ATP1A1: variants seen among roughly 807,000 people sequenced by gnomAD.
ATP1A1 encodes the protein ATPase Na+/K+ transporting subunit alpha 1.
Under a neutral mutation model 114.8 loss-of-function variants are expected in ATP1A1, and 14 were observed. That is an observed-to-expected ratio of 0.12 (90% CI 0.08 to 0.19). ATP1A1 has a LOEUF of 0.19. Among genes scored for constraint, ATP1A1 ranks in the 10% least tolerant of loss-of-function variants. ATP1A1 has a pLI of 1.00. For missense variants in ATP1A1, 524 were observed against 1,290.7 expected, an observed-to-expected ratio of 0.41 and a Z score of 9.10; for synonymous variants, 471 against 466.3, an observed-to-expected ratio of 1.01 and a Z score of -0.13.
intron 9 of ATP1A1, among the ~76,000 whole-genome samples, 161 bp downstream of exon 9, chr1:116,390,572 G>A (rs1373400865): frequency 1.4e-5 from 2 of 145,540 alleles, no homozygotes; most frequent in Non-Finnish European, 3.0e-5. Context: ...AAGAGTCAAG[G>A]GTATGGGATA....
At chr1:116,396,106 C>G (rs1652894915) in intron 13 of ATP1A1, among the ~76,000 whole-genome samples, 1 of 152,040 alleles carries the variant, frequency 6.6e-6, no homozygotes, top group Admixed American at 6.6e-5. Flanking sequence ...ATTTCCTCAC[C>G]ATTCCGACTG....
chr1:116,402,010 G>T, intron 21 of ATP1A1: 1 of 218,130 alleles, frequency 4.6e-6, no homozygotes, highest in Non-Finnish European at 9.0e-6. Flanking sequence ...TAGGCGCCCA[G>T]GCTCAAATCT....
rs1652849513 is a variant in ATP1A1, at chr1:116,395,664, CTG to C, written c.1836+381_1836+382del. Reference sequence around the variant, plus strand: ...TGAGTGTTTGGTGTCCTCTGTGTATCTGTCTTTTTTTAAGTAGCTGAATATTA... The same window carrying C: ...TGAGTGTTTGGTGTCCTCTGTGTATCTCTTTTTTTAAGTAGCTGAATATTA... On this transcript the variant is annotated intron_variant, in intron 13 of 22. Coordinates refer to ENST00000295598, the MANE Select transcript of ATP1A1 (RefSeq NM_000701.8). The surrounding 1 kb of genome is among the most constrained non-coding windows in gnomAD (Gnocchi z 6.4). Among the ~76,000 whole-genome samples, 1 of 152,278 alleles carries C rather than the reference CTG, an allele frequency of 6.6e-6. No individual in the cohort carries two copies. The highest frequency in any genetic ancestry group is 1.5e-5 in the Non-Finnish European group (1 of 68,030).
rs1180402979 is a variant in ATP1A1, at chr1:116,404,053, A to G, written c.3043+78A>G. On this transcript the variant is annotated intron_variant, in intron 22 of 22. Transcript: ENST00000295598. This position sits in a 1 kb window ranked among gnomAD's most constrained non-coding sequence, Gnocchi z 4.8. ...TTCTATTGGTTTTTTGTTTCCCTCA[A>G]GGTGTCTAGGCTCCCTCAGTGGTCA... The G allele has an allele frequency of 1.4e-6, 2 of 1,405,652 alleles. No homozygotes were observed. The highest frequency in any genetic ancestry group is 9.9e-7 in the Non-Finnish European group (1 of 1,006,164). The allele number at this position is 1,405,652 out of a possible 1,614,324, so 87.1% of individuals were successfully genotyped here.
At chr1:116,400,772 C>T in intron 18 of ATP1A1, 89 bp from the exon 19 acceptor site, 3 of 1,490,570 alleles carry the variant, frequency 2.0e-6, no homozygotes, top group Non-Finnish European at 2.7e-6. Flanking sequence ...CATATGTGCT[C>T]TCCCAGGCCT....
chr1:116,396,005 A>AGCCT (rs1217626797), intron 13 of ATP1A1, among the ~76,000 whole-genome samples: 2 of 152,140 alleles, frequency 1.3e-5, no homozygotes, highest in Admixed American at 1.3e-4. Flanking sequence ...TGCCCACCTC[A>AGCCT]GCCTCCCAAA....
In ATP1A1 at chr1:116,388,736, T is replaced by C. The variant is rs1652260098; in HGVS notation, c.600T>C (p.Pro200=). 1.2e-6 allele frequency: 2 copies of C among 1,614,110 alleles called. No homozygotes were observed. The highest frequency in any genetic ancestry group is 1.7e-5 in the Admixed American group (1 of 60,008). The change falls in exon 6 of 23, where the codon CCT becomes CCC. Residue 200 remains proline (P), a synonymous_variant. Coordinates refer to ENST00000295598, the MANE Select transcript of ATP1A1 (RefSeq NM_000701.8). This position sits in a 1 kb window ranked among gnomAD's most constrained non-coding sequence, Gnocchi z 5.6. Reference sequence around the variant, plus strand: ...AAGTAAAAGGAGGAGACCGAATTCCTGCTGACCTCAGAATCATATCTGCAA... The same window carrying C: ...AAGTAAAAGGAGGAGACCGAATTCCCGCTGACCTCAGAATCATATCTGCAA... ...LVEVKGGDRI[P]ADLRIISANG... is the part of the protein sequence containing the mutation.
In ATP1A1 at chr1:116,404,697, A is replaced by G. The variant is rs762154901; in HGVS notation, c.*253A>G. Reference sequence around the variant, plus strand: ...TTATGTGCCTTTTTGTTTTTGTAAAAAAGGAACACCCGGAAAGACTGAAAG... The same window carrying G: ...TTATGTGCCTTTTTGTTTTTGTAAAGAAGGAACACCCGGAAAGACTGAAAG... On this transcript the variant is annotated 3_prime_UTR_variant, in exon 23 of 23. Coordinates refer to ENST00000295598, the MANE Select transcript of ATP1A1 (RefSeq NM_000701.8). This position sits in a 1 kb window ranked among gnomAD's most constrained non-coding sequence, Gnocchi z 4.8. The G allele has an allele frequency of 5.1e-5, 66 of 1,281,566 alleles. No homozygotes were observed. The highest frequency in any genetic ancestry group is 6.2e-5 in the Non-Finnish European group (63 of 1,018,968). The allele number at this position is 1,281,566 out of a possible 1,614,324, so 79.4% of individuals were successfully genotyped here. A position where few individuals can be genotyped will look rare whatever the true frequency, so the allele number is the denominator to read the frequency against.
At position 116,400,850 on chromosome 1, in the gene ATP1A1, T is replaced by C; in HGVS notation, c.2573-11T>C. On this transcript the variant is annotated splice_polypyrimidine_tract_variant and intron_variant, in intron 18 of 22. Transcript: ENST00000295598. ...TGAGGTTCTAGTAATTGGGTTGTTT[T>C]CCCAACTTAGGAATGATCCAGGCCC... 6.2e-7 allele frequency: 1 copy of C among 1,614,010 alleles called. No individual in the cohort carries two copies. The highest frequency in any genetic ancestry group is 8.5e-7 in the Non-Finnish European group (1 of 1,179,962).
chr1:116,389,737 C>T lies in ATP1A1; in HGVS notation c.1023+30C>T, dbSNP rs763830745. On this transcript the variant is annotated intron_variant, in intron 8 of 22. Coordinates refer to ENST00000295598, the MANE Select transcript of ATP1A1 (RefSeq NM_000701.8). This position sits in a 1 kb window ranked among gnomAD's most constrained non-coding sequence, Gnocchi z 6.9. ...GAGGCAGGTGATGGTCACCCTGACT[C>T]AGATCAGCTTGCACGAATGTTACAC... 1.2e-6 allele frequency: 2 copies of T among 1,612,612 alleles called. No homozygotes were observed. The highest frequency in any genetic ancestry group is 1.1e-5 in the South Asian group (1 of 91,020).
chr1:116,393,037 AAG>A lies in ATP1A1; in HGVS notation c.1467+52_1467+53del, dbSNP rs1557788155. On this transcript the variant is annotated intron_variant, in intron 11 of 22. Coordinates refer to ENST00000295598, the MANE Select transcript of ATP1A1 (RefSeq NM_000701.8). This position sits in a 1 kb window ranked among gnomAD's most constrained non-coding sequence, Gnocchi z 5.0. ...GAGGGCGAGGGCAAGCTGGGGGACA[AAG>A]AGGGGAGGTACATGAGCAGGAAGAG... 2 of 1,606,496 alleles carry A rather than the reference AAG, an allele frequency of 1.2e-6. No homozygotes were observed. The highest frequency in any genetic ancestry group is 2.2e-5 in the East Asian group (1 of 44,746).
At position 116,385,089 on chromosome 1, in the gene ATP1A1, G is replaced by T; in HGVS notation, c.183+247G>T. ...TATAGCAGTTGAGAGCCAGTAAGTGGGAACACCAGGACTTGCAGTTGGCTT... is the reference window on the plus strand; with the variant it reads ...TATAGCAGTTGAGAGCCAGTAAGTGTGAACACCAGGACTTGCAGTTGGCTT... On this transcript the variant is annotated intron_variant, in intron 3 of 22. Coordinates refer to ENST00000295598, the MANE Select transcript of ATP1A1 (RefSeq NM_000701.8). The surrounding 1 kb of genome is among the most constrained non-coding windows in gnomAD (Gnocchi z 4.3). The T allele has an allele frequency of 2.3e-6, 1 of 441,684 alleles. No homozygotes were observed. The highest frequency in any genetic ancestry group is 2.6e-5 in the South Asian group (1 of 38,346). 27.4% of individuals were successfully genotyped at this position (441,684 alleles called of 1,614,324 possible).
rs1349188854 is a variant in ATP1A1 at position 116,401,549 on chromosome 1, T to A, written c.2850-5T>A. The A allele has an allele frequency of 1.2e-6, 2 of 1,613,980 alleles. No homozygotes were observed. The highest frequency in any genetic ancestry group is 3.3e-5 in the Admixed American group (2 of 59,998). On this transcript the variant is annotated splice_polypyrimidine_tract_variant and splice_region_variant and intron_variant, in intron 20 of 22. Transcript: ENST00000295598. This position sits in a 1 kb window ranked among gnomAD's most constrained non-coding sequence, Gnocchi z 4.7. ...TAAGTTTTTTCTCCCCTACTTTGAT[T>A]TTAGGAACAAGATCTTGATATTTGG...
At chr1:116,383,253 G>C (rs1651862424) in intron 1 of ATP1A1, 1 of 536,524 alleles carries the variant, frequency 1.9e-6, no homozygotes, top group Non-Finnish European at 2.4e-6. Context: ...AATGGGCTGG[G>C]CGCTCCCTTT....
rs1163997447 is a variant in ATP1A1 at position 116,395,102 on chromosome 1, C to T, written c.1661-8C>T. 2 of 1,613,122 alleles carry T rather than the reference C, an allele frequency of 1.2e-6. No individual in the cohort carries two copies. Among genetic ancestry groups the T allele is most frequent in the African/African-American group, 1.3e-5 (1 of 74,896 alleles). On this transcript the variant is annotated splice_region_variant and splice_polypyrimidine_tract_variant and intron_variant, in intron 12 of 22. Transcript: ENST00000295598. This position sits in a 1 kb window ranked among gnomAD's most constrained non-coding sequence, Gnocchi z 6.4. ...TGAAATTTTCAAAGGCTCCTGTCCT[C>T]CTCGCAGGTTTCTGCCACCTCTTTC...
Position 116,390,332 on chromosome 1 carries a change from G to C in ATP1A1, c.1143G>C (p.Leu381=). The change falls in exon 9 of 23, where the codon CTG becomes CTC. Residue 381 remains leucine, a synonymous_variant. Coordinates refer to ENST00000295598, the MANE Select transcript of ATP1A1 (RefSeq NM_000701.8). ...STICSDKTGT[L]TQNRMTVAHM... ...TCTGCTCTGATAAAACTGGAACTCT[G>C]ACTCAGAACCGGATGACAGTGGCCC... is the stretch of plus-strand genomic sequence containing the variant. 1.2e-6 allele frequency: 2 copies of C among 1,614,130 alleles called. No individual in the cohort carries two copies. The highest frequency in any genetic ancestry group is 1.1e-5 in the South Asian group (1 of 91,078).
chr1:116,374,202 A>T, intron 1 of ATP1A1: 1 of 1,551,034 alleles, frequency 6.4e-7, no homozygotes, highest in South Asian at 1.2e-5. Context: ...GGCTGGTGCC[A>T]GAAAGGGTGT....
At chr1:116,382,240 A>C (rs1368370560) in intron 1 of ATP1A1, among the ~76,000 whole-genome samples, 2 of 152,208 alleles carry the variant, frequency 1.3e-5, no homozygotes, top group African/African-American at 2.4e-5. Context: ...AATGTCTTTA[A>C]AATGTTTTTT....
chr1:116,404,557 A>G lies in ATP1A1; in HGVS notation c.*113A>G. On this transcript the variant is annotated 3_prime_UTR_variant, in exon 23 of 23. Transcript: ENST00000295598. This position sits in a 1 kb window ranked among gnomAD's most constrained non-coding sequence, Gnocchi z 4.8. ...TGGAACTCTACCCTGGTAGGAAAGC[A>G]CCGCAGCATGTGGGGAAGCAAGACG... 6.9e-7 allele frequency: 1 copy of G among 1,440,668 alleles called. No individual in the cohort carries two copies. Among genetic ancestry groups the G allele is most frequent in the Non-Finnish European group, 9.1e-7 (1 of 1,097,960 alleles). The allele number at this position is 1,440,668 out of a possible 1,614,324, so 89.2% of individuals were successfully genotyped here.
Sources: gnomAD v4.1 joint callset for allele counts (sites outside exome capture counted in the v4.1 genomes callset) on GRCh38, gnomAD v4.1.1 for gene constraint, Gnocchi (gnomAD v3.1) non-coding constraint, MANE v1.5 for transcripts, NCBI Gene and HGNC (gene_info 2026-07-23, HGNC 2026-07-21) for gene names.